Variants in PRKCE observed in about 807,000 individuals in gnomAD.
PRKCE encodes the protein protein kinase C epsilon, also known as protein kinase C epsilon type.
PRKCE carries 16 observed loss-of-function variants against 85.4 expected under a neutral mutation model. That is an observed-to-expected ratio of 0.19 (90% CI 0.13 to 0.28). PRKCE has a LOEUF of 0.28. PRKCE is among the 10% of genes least tolerant of loss of function. PRKCE has a pLI of 1.00. For synonymous variants in PRKCE, 388 were observed against 371.5 expected (o/e 1.04, Z -0.51); for missense variants, 573 against 975.2 (o/e 0.59, Z 5.49).
intron 2 of PRKCE, among the ~76,000 whole-genome samples, chr2:45,906,866 A>G (rs899857860): frequency 9.8e-5 from 15 of 152,298 alleles, no homozygotes; most frequent in Admixed American, 9.8e-4. Flanking sequence ...TACTCAGAAC[A>G]TCTTCAGAGA....
chr2:45,847,739 G>T (rs961013675), intron 2 of PRKCE, among the ~76,000 whole-genome samples: 1 of 152,106 alleles, frequency 6.6e-6, no homozygotes, highest in Non-Finnish European at 1.5e-5. Flanking sequence ...CTCCACCCCT[G>T]GTTCGATCTT....
intron 5 of PRKCE, among the ~76,000 whole-genome samples, chr2:45,983,075 T>A (rs1455737473): frequency 1.3e-5 from 2 of 152,232 alleles, no homozygotes; most frequent in Non-Finnish European, 2.9e-5. Context: ...CATCTAAGAA[T>A]GGGTGAGTAT....
In PRKCE at chr2:45,697,554, G is replaced by C. The variant is rs545744157; in HGVS notation, c.348+45106G>C. Among the ~76,000 whole-genome samples, 1 of 152,234 alleles carries C rather than the reference G, an allele frequency of 6.6e-6. No homozygotes were observed. The highest frequency in any genetic ancestry group is 1.9e-4 in the East Asian group (1 of 5,182). ...CAGGCTCTGCTCTTCACTCAGGGTGGACTGGTTGGCATCTCTATGTGGGTG... is the reference window on the plus strand; with the variant it reads ...CAGGCTCTGCTCTTCACTCAGGGTGCACTGGTTGGCATCTCTATGTGGGTG... On this transcript the variant is annotated intron_variant, in intron 1 of 14. Transcript: ENST00000306156. This position sits in a 1 kb window ranked among gnomAD's most constrained non-coding sequence, Gnocchi z 4.2.
intron 11 of PRKCE, among the ~76,000 whole-genome samples, chr2:46,111,215 A>G (rs1672225470): frequency 6.6e-6 from 1 of 152,030 alleles, no homozygotes; most frequent in Non-Finnish European, 1.5e-5. Flanking sequence ...GTTGATTGCT[A>G]ATGCTGTTCA....
In PRKCE at chr2:45,750,345, G is replaced by C. The variant is rs551687061; in HGVS notation, c.349-92655G>C. 5.3e-5 allele frequency among the ~76,000 whole-genome samples: 8 copies of C among 152,236 alleles called. No individual in the cohort carries two copies. In the South Asian group the frequency reaches 1.5e-3, roughly 28 times the overall value. Reference sequence around the variant, plus strand: ...GCTTTCTCTCTCTCAGGATTTTCTGGCTCTGGGTATTTTATATAGATGGAA... The same window carrying C: ...GCTTTCTCTCTCTCAGGATTTTCTGCCTCTGGGTATTTTATATAGATGGAA... On this transcript the variant is annotated intron_variant, in intron 1 of 14. Coordinates refer to ENST00000306156, the MANE Select transcript of PRKCE (RefSeq NM_005400.3).
chr2:45,972,242 A>G (rs1392677878), intron 2 of PRKCE, among the ~76,000 whole-genome samples: 1 of 152,172 alleles, frequency 6.6e-6, no homozygotes, highest in East Asian at 1.9e-4. Context: ...AAATACCTGT[A>G]TACCTGTTGG....
intron 2 of PRKCE, among the ~76,000 whole-genome samples, chr2:45,958,268 G>C (rs955150214): frequency 1.5e-4 from 23 of 151,158 alleles, no homozygotes; most frequent in Admixed American, 2.6e-4. Flanking sequence ...CCAGCACTTT[G>C]GGAGGCCAAG....
At chr2:45,724,366 C>A (rs1026337451) in intron 1 of PRKCE, among the ~76,000 whole-genome samples, 11 of 152,188 alleles carry the variant, frequency 7.2e-5, no homozygotes, top group African/African-American at 2.7e-4. Flanking sequence ...CTCCAACTAG[C>A]CATTTCCCTG....
At chr2:46,101,853 G>A (rs1472408134) in intron 11 of PRKCE, among the ~76,000 whole-genome samples, 1 of 85,774 alleles carries the variant, frequency 1.2e-5, no homozygotes, top group Non-Finnish European at 2.2e-5. Context: ...CTGATAAACT[G>A]GCTTTCAAAA....
intron 1 of PRKCE, among the ~76,000 whole-genome samples, chr2:45,671,728 A>C (rs1676169779): frequency 2.6e-5 from 4 of 152,168 alleles, no homozygotes; most frequent in Admixed American, 2.0e-4. Flanking sequence ...TTTCTACATA[A>C]AAATATAAGA....
At chr2:45,729,323 A>G (rs1345557039) in intron 1 of PRKCE, among the ~76,000 whole-genome samples, 2 of 152,178 alleles carry the variant, frequency 1.3e-5, no homozygotes, top group Admixed American at 1.3e-4. Context: ...AGGTGCCATG[A>G]AAGCCATCCT....
At position 46,179,255 on chromosome 2, in the gene PRKCE, C is replaced by T. The variant is rs559934379; in HGVS notation, c.2068-5480C>T. On this transcript the variant is annotated intron_variant, in intron 14 of 14. Coordinates refer to ENST00000306156, the MANE Select transcript of PRKCE (RefSeq NM_005400.3). ...CAGAAGCAGACACTGCTGGCTCCTC[C>T]GAAAGCTCAAGTTTATGACGTCAGC... Among the ~76,000 whole-genome samples, 135 of 152,238 alleles carry T rather than the reference C, an allele frequency of 8.9e-4. 1 individual carries two copies. The highest frequency in any genetic ancestry group is 3.0e-3 in the African/African-American group (125 of 41,542).
intron 14 of PRKCE, among the ~76,000 whole-genome samples, chr2:46,183,820 T>C (rs531514426): frequency 6.6e-6 from 1 of 152,216 alleles, no homozygotes; most frequent in Non-Finnish European, 1.5e-5. Context: ...ACTAAAGCGA[T>C]GTGTTCTACA....
chr2:45,901,388 A>G (rs915796203), intron 2 of PRKCE, among the ~76,000 whole-genome samples: 2 of 152,200 alleles, frequency 1.3e-5, no homozygotes, highest in South Asian at 2.1e-4. Context: ...GCCTGTTCAC[A>G]TATTTCTCAT....
At chr2:46,057,936 G>A (rs982805025) in intron 10 of PRKCE, among the ~76,000 whole-genome samples, 18 of 152,168 alleles carry the variant, frequency 1.2e-4, no homozygotes, top group African/African-American at 3.9e-4. Flanking sequence ...TACACTAACT[G>A]AAGTGAAGGA....
intron 1 of PRKCE, chr2:45,677,246 G>A (rs1265206022): frequency 1.3e-5 from 2 of 151,808 alleles, no homozygotes; most frequent in East Asian, 3.9e-4. Context: ...CTGGAATCAC[G>A]AGAGGCCACT....
chr2:46,033,537 T>G (rs1707672237), intron 10 of PRKCE, among the ~76,000 whole-genome samples: 1 of 152,202 alleles, frequency 6.6e-6, no homozygotes, highest in Non-Finnish European at 1.5e-5. Context: ...ATCTGCATTT[T>G]AAAATGCAAG....
At chr2:45,984,157 C>T (rs1574115344) in intron 5 of PRKCE, among the ~76,000 whole-genome samples, 1 of 151,968 alleles carries the variant, frequency 6.6e-6, no homozygotes, top group African/African-American at 2.4e-5. Context: ...AGGCTGGTCT[C>T]GAACTCCTGA....
chr2:46,038,246 C>T (rs1041306485), intron 10 of PRKCE, among the ~76,000 whole-genome samples: 4 of 152,104 alleles, frequency 2.6e-5, no homozygotes, highest in Admixed American at 1.3e-4. Context: ...TGGCAGCAAA[C>T]GCCACACTAT....
Sources: gnomAD v4.1 joint callset for allele counts (sites outside exome capture counted in the v4.1 genomes callset) on GRCh38, gnomAD v4.1.1 for gene constraint, Gnocchi (gnomAD v3.1) non-coding constraint, MANE v1.5 for transcripts, NCBI Gene and HGNC (gene_info 2026-07-23, HGNC 2026-07-21) for gene names.